Variants in LRRK1 observed in about 807,000 individuals in gnomAD.
LRRK1 encodes leucine-rich repeat serine/threonine-protein kinase 1.
LRRK1 carries 113 observed loss-of-function variants against 209.1 expected under a neutral mutation model. The ratio of observed to expected loss-of-function variants is 0.54; its 90% CI spans 0.46 to 0.63. The LOEUF (loss-of-function observed/expected upper bound fraction) is 0.63. Among genes scored for constraint, LRRK1 ranks in the 30% least tolerant of loss-of-function variants. The probability of loss-of-function intolerance (pLI) is 0.00; values close to 1 mark genes in which losing one functional copy is unlikely to be tolerated. For synonymous variants in LRRK1, 1,144 were observed against 1,099.7 expected (o/e 1.04, Z -0.80); for missense variants, 2,284 against 2,632.2 (o/e 0.87, Z 2.89).
rs2036254147 is a variant in LRRK1, at chr15:101,062,668, T to A, written c.4892T>A (p.Leu1631Ter). Residue 1631 changes from leucine (L) to a stop codon, truncating the protein, a stop_gained, in exon 31 of 34, where the codon TTG becomes TAG. Transcript: ENST00000388948. LOFTEE classifies it high-confidence loss of function. ...ACTCCAGCTGTCGTCACCTGCTTCT[T>A]GGCCGTGCCTGTTATTAAAAAGGTG... ...LDTPAVVTCF[L>*]AVPVIKKNSY... 6.2e-7 allele frequency: 1 copy of A among 1,613,748 alleles called. No individual in the cohort carries two copies.
intron 24 of LRRK1, 22 bp downstream of exon 24, chr15:101,051,982 C>A: frequency 6.2e-7 from 1 of 1,608,620 alleles, no homozygotes; most frequent in Non-Finnish European, 8.5e-7. Flanking sequence ...AGGCCCCTCC[C>A]AGAACACAGT....
intron 2 of LRRK1, among the ~76,000 whole-genome samples, chr15:100,945,745 G>A (rs761926576): frequency 7.2e-5 from 11 of 151,860 alleles, no homozygotes; most frequent in Non-Finnish European, 1.5e-4. Context: ...CACCTGCCTC[G>A]GCTTCCCAAA....
chr15:100,975,547 C>A (rs1212598131), intron 3 of LRRK1, among the ~76,000 whole-genome samples: 3 of 152,186 alleles, frequency 2.0e-5, no homozygotes, highest in African/African-American at 7.2e-5. Flanking sequence ...AGCTGCCTCT[C>A]CCCTGAATAC....
At chr15:101,021,573 T>A in intron 13 of LRRK1, 2 of 517,436 alleles carry the variant, frequency 3.9e-6, no homozygotes, top group Non-Finnish European at 6.8e-6. Flanking sequence ...TGATCATCTT[T>A]ATGGGGATGT....
At chr15:101,045,869 G>A in intron 20 of LRRK1, 112 bp from the exon 21 acceptor site, 1 of 860,916 alleles carries the variant, frequency 1.2e-6, no homozygotes. Flanking sequence ...GAACCCAGCA[G>A]CCTGAGGTGT....
At position 100,953,839 on chromosome 15, in the gene LRRK1, T is replaced by C. The variant is rs369239190; in HGVS notation, c.98-19965T>C. ...CCCTTCTCCTTGTCAACATGTGTTATCCTTGTCTTTTTTATAATAATCACC... is the reference window on the plus strand; with the variant it reads ...CCCTTCTCCTTGTCAACATGTGTTACCCTTGTCTTTTTTATAATAATCACC... On this transcript the variant is annotated intron_variant, in intron 2 of 33. Transcript: ENST00000388948. 1.6e-4 allele frequency among the ~76,000 whole-genome samples: 25 copies of C among 152,300 alleles called. 2 individuals are homozygous for C. The highest frequency in any genetic ancestry group is 7.8e-4 in the Admixed American group (12 of 15,302).
At chr15:101,028,881 G>A in intron 19 of LRRK1, 75 bp from the exon 20 acceptor site, 1 of 1,476,684 alleles carries the variant, frequency 6.8e-7, no homozygotes, top group Non-Finnish European at 9.2e-7. Context: ...GGGTCCTCTT[G>A]GAAAGAGGGC....
intron 6 of LRRK1, among the ~76,000 whole-genome samples, chr15:100,991,685 T>G (rs2032162769): frequency 6.6e-6 from 1 of 152,206 alleles, no homozygotes; most frequent in Non-Finnish European, 1.5e-5. Context: ...TATCTCTTTT[T>G]TCTAATATTT....
chr15:100,941,436 G>GTCTT (rs2042425840), intron 2 of LRRK1, among the ~76,000 whole-genome samples: 1 of 8,806 alleles, frequency 1.1e-4, no homozygotes, highest in African/African-American at 2.1e-4. Flanking sequence ...GTCTGTGTGT[G>GTCTT]TGTGTGTGTC....
At chr15:101,055,998 T>C (rs192692970) in intron 27 of LRRK1, among the ~76,000 whole-genome samples, 3 of 152,318 alleles carry the variant, frequency 2.0e-5, no homozygotes, top group African/African-American at 2.4e-5. Flanking sequence ...TTGTTGCCCA[T>C]AGAAAAGGCA....
Position 101,027,572 on chromosome 15 carries a change from A to T in LRRK1, c.2527-66A>T, listed in dbSNP as rs2141103033. The T allele has an allele frequency of 1.3e-6, 2 of 1,574,162 alleles. No individual in the cohort carries two copies. The highest frequency in any genetic ancestry group is 1.7e-6 in the Non-Finnish European group (2 of 1,158,674). ...CCTCAGGCCACAGGGGCCGGGCAGG[A>T]TCTGCCCAAGCTGGCAGGTGTGCCT... On this transcript the variant is annotated intron_variant, in intron 18 of 33. Coordinates refer to ENST00000388948, the MANE Select transcript of LRRK1 (RefSeq NM_024652.6). This position sits in a 1 kb window ranked among gnomAD's most constrained non-coding sequence, Gnocchi z 5.1.
chr15:100,971,464 C>T (rs1020283912), intron 2 of LRRK1, among the ~76,000 whole-genome samples: 5 of 152,152 alleles, frequency 3.3e-5, no homozygotes, highest in Non-Finnish European at 7.4e-5. Context: ...GCTGGGAGAC[C>T]AAACTTCTGT....
chr15:100,945,363 A>G (rs993438814), intron 2 of LRRK1, among the ~76,000 whole-genome samples: 4 of 152,132 alleles, frequency 2.6e-5, no homozygotes, highest in Admixed American at 6.5e-5. Flanking sequence ...TATGTGAAAA[A>G]TGGTACCTCA....
intron 2 of LRRK1, among the ~76,000 whole-genome samples, chr15:100,929,673 G>A (rs1046801789): frequency 4.6e-5 from 7 of 152,186 alleles, no homozygotes; most frequent in African/African-American, 1.7e-4. Context: ...CCACATCTCT[G>A]ACCTGTTCCT....
In LRRK1 at chr15:101,012,900, C is replaced by CGGGG. The variant is rs57376372; in HGVS notation, c.1419+761_1419+764dup. On this transcript the variant is annotated intron_variant, in intron 10 of 33. Coordinates refer to ENST00000388948, the MANE Select transcript of LRRK1 (RefSeq NM_024652.6). ...AGAAAGGAGCCACGCGGGGTGCCCC[C>CGGGG]GGGGGGGGGTGGTCCCACATCATAC... 7.3e-5 allele frequency among the ~76,000 whole-genome samples: 11 copies of CGGGG among 149,832 alleles called. No homozygotes were observed. The East Asian group carries it at 7.9e-4, about 11-fold the overall frequency.
intron 9 of LRRK1, 118 bp downstream of exon 9, chr15:101,010,955 G>A (rs1344711927): frequency 7.1e-6 from 6 of 844,906 alleles, no homozygotes; most frequent in Non-Finnish European, 1.1e-5. Context: ...CCGGGTAGAA[G>A]GGCCCGGTTC....
chr15:100,973,726 G>A, intron 2 of LRRK1, 78 bp from the exon 3 acceptor site: 1 of 1,222,548 alleles, frequency 8.2e-7, no homozygotes, highest in Non-Finnish European at 1.0e-6. Flanking sequence ...GCCGCCTCCT[G>A]CTGTGTTCCA....
chr15:101,052,010 T>C, intron 24 of LRRK1, 50 bp downstream of exon 24: 1 of 1,581,290 alleles, frequency 6.3e-7, no homozygotes. Flanking sequence ...ACAGGGGGCG[T>C]TCCTCGCTGT....
intron 3 of LRRK1, among the ~76,000 whole-genome samples, chr15:100,982,290 C>T (rs2141662646): frequency 6.6e-6 from 1 of 152,350 alleles, no homozygotes; most frequent in Middle Eastern, 3.4e-3. Flanking sequence ...CAGGAGGCAG[C>T]CAGCTTCCAA....
Sources: gnomAD v4.1 joint callset for allele counts (sites outside exome capture counted in the v4.1 genomes callset) on GRCh38, gnomAD v4.1.1 for gene constraint, Gnocchi (gnomAD v3.1) non-coding constraint, MANE v1.5 for transcripts, NCBI Gene and HGNC (gene_info 2026-07-23, HGNC 2026-07-21) for gene names.